AGBL2: variants seen among roughly 807,000 people sequenced by gnomAD.
The protein encoded by AGBL2 is AGBL carboxypeptidase 2, also known as cytosolic carboxypeptidase 2.
Under a neutral mutation model 103.0 loss-of-function variants are expected in AGBL2, and 87 were observed. The ratio of observed to expected loss-of-function variants is 0.84; its 90% CI spans 0.71 to 1.01. AGBL2 has a LOEUF of 1.01. Ranked by LOEUF, AGBL2 falls within the 50% of genes least tolerant of loss-of-function variation. The pLI, the probability that AGBL2 is intolerant of heterozygous loss-of-function variation, is 0.00. For missense variants in AGBL2, 904 were observed against 1,023.5 expected (o/e 0.88, Z 1.59); for synonymous variants, 335 against 356.7 (o/e 0.94, Z 0.69).
At chr11:47,713,812 A>C (rs2097542605) in intron 3 of AGBL2, among the ~76,000 whole-genome samples, 1 of 151,756 alleles carries the variant, frequency 6.6e-6, no homozygotes, top group South Asian at 2.1e-4. Context: ...GATGGTCTCG[A>C]TCTCCTGACC....
intron 14 of AGBL2, among the ~76,000 whole-genome samples, chr11:47,672,321 C>CT (rs138849632): frequency 0.34 from 50,759 of 148,006 alleles, 9,753 homozygotes; most frequent in South Asian, 0.49. Flanking sequence ...GCAGAGCACA[C>CT]TTTTTTTTTT....
At chr11:47,697,898 T>A (rs1330523430) in intron 8 of AGBL2, among the ~76,000 whole-genome samples, 2 of 151,362 alleles carry the variant, frequency 1.3e-5, no homozygotes, top group Non-Finnish European at 2.9e-5. Context: ...TTCACCCTTG[T>A]TGCCGAGGCT....
chr11:47,678,343 A>ATTATTATTATTTTTTTTTTT (rs2097385523), intron 13 of AGBL2, among the ~76,000 whole-genome samples: 1 of 116,762 alleles, frequency 8.6e-6, no homozygotes, highest in African/African-American at 2.8e-5. Flanking sequence ...TTATTATTTT[A>ATTATTATTATTTTTTTTTTT]TTTTTTTTGA....
At chr11:47,682,145 A>C in intron 11 of AGBL2, 50 bp from the exon 12 acceptor site, 1 of 1,533,188 alleles carries the variant, frequency 6.5e-7, no homozygotes, top group Non-Finnish European at 9.0e-7. Flanking sequence ...CAAATGTAAA[A>C]TATCTAAGAT....
In AGBL2 at chr11:47,666,990, A is replaced by G. The variant is rs2097342935; in HGVS notation, c.2414T>C (p.Leu805Ser). The change falls in exon 17 of 19, where the codon TTA (leucine) becomes TCA (serine). Residue 805 changes from leucine to serine, a missense_variant. Transcript: ENST00000525123. ...FFKNSENSSFLPMKNENPRLN... is the reference protein window; with the variant it reads ...FFKNSENSSFSPMKNENPRLN... ...CCTTGGGTTTTCATTTTTCATTGGT[A>G]AAAAACTGGAATTCTCTGAGTTTTT... 1 of 1,613,514 alleles carries G rather than the reference A, an allele frequency of 6.2e-7. No individual in the cohort carries two copies. The highest frequency in any genetic ancestry group is 1.7e-5 in the Admixed American group (1 of 59,934).
At chr11:47,702,555 A>C (rs1359497021) in intron 7 of AGBL2, among the ~76,000 whole-genome samples, 1 of 152,166 alleles carries the variant, frequency 6.6e-6, no homozygotes, top group Non-Finnish European at 1.5e-5. Flanking sequence ...CATATGAACG[A>C]ATATTATAAA....
At chr11:47,693,460 C>T (rs533734656) in intron 8 of AGBL2, among the ~76,000 whole-genome samples, 2 of 152,112 alleles carry the variant, frequency 1.3e-5, no homozygotes, top group Non-Finnish European at 2.9e-5. Context: ...GTTATCCCAA[C>T]ACCATTTGTT....
At chr11:47,702,876 A>G (rs2097504241) in intron 7 of AGBL2, among the ~76,000 whole-genome samples, 1 of 149,532 alleles carries the variant, frequency 6.7e-6, no homozygotes, top group Non-Finnish European at 1.5e-5. Context: ...TCCGTCTCAG[A>G]AAAAAAAAAG....
At chr11:47,683,231 G>A (rs2097409035) in intron 11 of AGBL2, among the ~76,000 whole-genome samples, 1 of 151,764 alleles carries the variant, frequency 6.6e-6, no homozygotes, top group African/African-American at 2.4e-5. Context: ...AAATTAGCCG[G>A]GCATGGCAAC....
At position 47,677,144 on chromosome 11, in the gene AGBL2, A is replaced by C. The variant is rs1279022641; in HGVS notation, c.2147+127T>G. 2.0e-5 allele frequency: 15 copies of C among 747,938 alleles called. 1 individual carries two copies. In the South Asian group the frequency reaches 3.4e-4, roughly 17 times the overall value. 46.3% of individuals were successfully genotyped at this position (747,938 alleles called of 1,614,324 possible). ...CACCTCAGCCTCCCCAGTGTCTGGGACTACAGGCATAGATCACCAAGCCCA... is the reference window on the plus strand; with the variant it reads ...CACCTCAGCCTCCCCAGTGTCTGGGCCTACAGGCATAGATCACCAAGCCCA... On this transcript the variant is annotated intron_variant, in intron 14 of 18. Coordinates refer to ENST00000525123, the MANE Select transcript of AGBL2 (RefSeq NM_024783.4).
intron 3 of AGBL2, among the ~76,000 whole-genome samples, chr11:47,712,762 G>A (rs1324845281): frequency 2.6e-5 from 4 of 152,034 alleles, no homozygotes; most frequent in East Asian, 1.9e-4. Context: ...AAATTAGGCC[G>A]AGCGTGGTGG....
At chr11:47,697,985 C>T (rs1325020581) in intron 8 of AGBL2, among the ~76,000 whole-genome samples, 1 of 151,474 alleles carries the variant, frequency 6.6e-6, no homozygotes, top group Non-Finnish European at 1.5e-5. Context: ...CCTCAGCCTC[C>T]TGAGTAGCTG....
chr11:47,691,494 T>C (rs2097445110), intron 9 of AGBL2, among the ~76,000 whole-genome samples: 1 of 149,550 alleles, frequency 6.7e-6, no homozygotes, highest in African/African-American at 2.5e-5. Flanking sequence ...GATCGCGAAA[T>C]CAGGAGATCG....
In AGBL2 at chr11:47,690,827, T is replaced by G. The variant is rs1409212998; in HGVS notation, c.880A>C (p.Thr294Pro). The change falls in exon 10 of 19, where the codon ACT becomes CCT. Residue 294 changes from threonine to proline, a missense_variant. Thr to Pro is a conservative substitution (Grantham distance 38, BLOSUM62 -1). Coordinates refer to ENST00000525123, the MANE Select transcript of AGBL2 (RefSeq NM_024783.4). ...DTYEYELTLR[T>P]DLYTNKHTQW... The stretch of plus-strand genomic sequence containing the variant: ...GTGTGTTTGTTAGTGTAGAGGTCAG[T>G]TCGCAAGGTGAGTTCATACTCATAG... The G allele has an allele frequency of 1.2e-6, 2 of 1,612,520 alleles. No homozygotes were observed. Among genetic ancestry groups the G allele is most frequent in the Non-Finnish European group, 1.7e-6 (2 of 1,179,994 alleles).
At position 47,690,477 on chromosome 11, in the gene AGBL2, C is replaced by G. The variant is rs748043244; in HGVS notation, c.1230G>C (p.Val410=). 7 of 1,614,072 alleles carry G rather than the reference C, an allele frequency of 4.3e-6. No homozygotes were observed. The East Asian group carries it at 1.6e-4, about 36-fold the overall frequency. The change falls in exon 10 of 19, where the codon GTG becomes GTC. Residue 410 remains valine (V), a synonymous_variant. Coordinates refer to ENST00000525123, the MANE Select transcript of AGBL2 (RefSeq NM_024783.4). ...YTDLQCYLLS[V]ANNPIQSQFC... ...ACTGAGACTGGATAGGGTTGTTTGC[C>G]ACTGACAGGAGGTAGCATTGCAAAT...
chr11:47,713,895 TG>T (rs547000705), intron 3 of AGBL2, among the ~76,000 whole-genome samples: 323 of 152,056 alleles, frequency 2.1e-3, no homozygotes, highest in African/African-American at 7.3e-3. Context: ...GGCCGCCAAT[TG>T]TAAAATTTAT....
intron 7 of AGBL2, among the ~76,000 whole-genome samples, chr11:47,703,925 CA>C (rs372708144): frequency 8.8e-4 from 75 of 85,422 alleles, no homozygotes; most frequent in African/African-American, 1.1e-3. Flanking sequence ...AAGTCAGTCT[CA>C]AAAAAAAAAA....
intron 3 of AGBL2, chr11:47,714,055 TAG>T: frequency 1.9e-6 from 1 of 517,594 alleles, no homozygotes; most frequent in Non-Finnish European, 3.5e-6. Context: ...ACCAATGGAA[TAG>T]AGAGCCCAGA....
intron 8 of AGBL2, among the ~76,000 whole-genome samples, chr11:47,698,936 A>G (rs147273589): frequency 7.3e-5 from 11 of 151,322 alleles, no homozygotes. Flanking sequence ...GTACCCTTAA[A>G]AAGAATGTGT....
Sources: allele counts gnomAD v4.1 joint callset (sites outside exome capture counted in the v4.1 genomes callset), GRCh38; gene constraint gnomAD v4.1.1; transcripts MANE v1.5; gene names NCBI Gene and HGNC (gene_info 2026-07-23, HGNC 2026-07-21).